CDK5RAP2: variants seen among roughly 807,000 people sequenced by gnomAD.
The protein encoded by CDK5RAP2 is CDK5 regulatory subunit-associated protein 2.
In CDK5RAP2, 147 loss-of-function variants were observed where a neutral mutation model predicts 232.9. That is an observed-to-expected ratio of 0.63 (90% confidence interval 0.55 to 0.72). The LOEUF (loss-of-function observed/expected upper bound fraction) is 0.72, where lower values mean the gene tolerates loss of function less well. Among genes scored for constraint, CDK5RAP2 ranks in the 30% least tolerant of loss-of-function variants. CDK5RAP2 has a pLI of 0.00. For synonymous variants in CDK5RAP2, 833 were observed against 833.7 expected, an observed-to-expected ratio of 1.00 and a Z score of 0.01; for missense variants, 2,195 against 2,231.5, an observed-to-expected ratio of 0.98 and a Z score of 0.33.
chr9:120,544,388 CAAT>C (rs147390938), intron 5 of CDK5RAP2, among the ~76,000 whole-genome samples: 9,839 of 152,302 alleles, frequency 0.065, 554 homozygotes, highest in East Asian at 0.29. Context: ...ACAACAACAA[CAAT>C]AACAACTTGT....
chr9:120,475,732 A>G (rs142158312), intron 15 of CDK5RAP2, among the ~76,000 whole-genome samples: 8 of 152,334 alleles, frequency 5.3e-5, no homozygotes, highest in Non-Finnish European at 1.2e-4. Flanking sequence ...CTCATTTCCT[A>G]TGAAAAAATC....
chr9:120,571,834 C>T (rs2042864993), intron 2 of CDK5RAP2, 140 bp downstream of exon 2: 1 of 715,484 alleles, frequency 1.4e-6, no homozygotes. Flanking sequence ...TCAATACATA[C>T]AAAAAATACT....
At chr9:120,485,033 C>G (rs1400947298) in intron 14 of CDK5RAP2, among the ~76,000 whole-genome samples, 1 of 152,076 alleles carries the variant, frequency 6.6e-6, no homozygotes, top group African/African-American at 2.4e-5. Context: ...CAGTAAATCT[C>G]TATCTACAAT....
chr9:120,560,128 G>A (rs2042409926), intron 3 of CDK5RAP2, among the ~76,000 whole-genome samples: 1 of 152,174 alleles, frequency 6.6e-6, no homozygotes, highest in Non-Finnish European at 1.5e-5. Flanking sequence ...AAGAGCAAGA[G>A]CTCTCGGGCC....
At chr9:120,426,564 T>C (rs1004599509) in intron 25 of CDK5RAP2, among the ~76,000 whole-genome samples, 1 of 152,158 alleles carries the variant, frequency 6.6e-6, no homozygotes, top group East Asian at 1.9e-4. Context: ...GCTTTTCTTA[T>C]GTGGATGAAG....
At chr9:120,444,006 A>AT (rs1322433935) in intron 22 of CDK5RAP2, among the ~76,000 whole-genome samples, 2 of 152,172 alleles carry the variant, frequency 1.3e-5, no homozygotes, top group African/African-American at 4.8e-5. Context: ...ATTCGTGCCC[A>AT]TTTTTCCCAA....
intron 13 of CDK5RAP2, among the ~76,000 whole-genome samples, chr9:120,489,802 G>A (rs1588468284): frequency 6.8e-6 from 1 of 146,382 alleles, no homozygotes. Flanking sequence ...CTTTGTCTTT[G>A]TCTTTCCTTT....
At chr9:120,520,692 A>G (rs1458398051) in intron 11 of CDK5RAP2, among the ~76,000 whole-genome samples, 11 of 130,166 alleles carry the variant, frequency 8.5e-5, no homozygotes. Context: ...CATATGAGAT[A>G]TATCACACGA....
chr9:120,503,965 G>A (rs1230539732), intron 12 of CDK5RAP2, among the ~76,000 whole-genome samples: 1 of 152,086 alleles, frequency 6.6e-6, no homozygotes, highest in African/African-American at 2.4e-5. Flanking sequence ...CAGAGCACCT[G>A]GGAGATGAAA....
At position 120,528,900 on chromosome 9, in the gene CDK5RAP2, C is replaced by T. The variant is rs1180678084; in HGVS notation, c.826-103G>A. 20 of 812,640 alleles carry T rather than the reference C, an allele frequency of 2.5e-5. 1 individual carries two copies. In the South Asian group the frequency reaches 2.8e-4, roughly 11 times the overall value. 50.3% of individuals were successfully genotyped at this position (812,640 alleles called of 1,614,324 possible). A position where few individuals can be genotyped will look rare whatever the true frequency, so the allele number is the denominator to read the frequency against. On this transcript the variant is annotated intron_variant, in intron 8 of 37. Coordinates refer to ENST00000349780, the MANE Select transcript of CDK5RAP2 (RefSeq NM_018249.6). ...TCCTTGTCGCTTACTCACCTTCCCCCACTACTGTGGAACTCGTTAAAACAA... is the reference window on the plus strand; with the variant it reads ...TCCTTGTCGCTTACTCACCTTCCCCTACTACTGTGGAACTCGTTAAAACAA...
At chr9:120,522,832 T>C (rs555445301) in intron 11 of CDK5RAP2, among the ~76,000 whole-genome samples, 25 of 152,202 alleles carry the variant, frequency 1.6e-4, no homozygotes, top group Non-Finnish European at 2.9e-4. Context: ...CATGCTGCAA[T>C]TGGCAAAAAG....
chr9:120,450,558 G>A (rs1171675472), intron 21 of CDK5RAP2, among the ~76,000 whole-genome samples: 2 of 152,066 alleles, frequency 1.3e-5, no homozygotes, highest in East Asian at 1.9e-4. Flanking sequence ...TTAAATAGCA[G>A]AGGAGAAGGA....
chr9:120,539,927 C>T (rs1332036360), intron 5 of CDK5RAP2, among the ~76,000 whole-genome samples: 3 of 152,172 alleles, frequency 2.0e-5, no homozygotes, highest in African/African-American at 7.2e-5. Flanking sequence ...GAGCAGTATG[C>T]AACGAAGTCT....
intron 27 of CDK5RAP2, among the ~76,000 whole-genome samples, chr9:120,415,609 A>G (rs1489609563): frequency 6.6e-6 from 1 of 152,236 alleles, no homozygotes; most frequent in African/African-American, 2.4e-5. Context: ...TCCATTTATC[A>G]TTTACTAATT....
chr9:120,558,401 G>A (rs373217364), intron 3 of CDK5RAP2, among the ~76,000 whole-genome samples: 8,734 of 43,892 alleles, frequency 0.2, 3 homozygotes, highest in Middle Eastern at 0.29. Context: ...AAAAAAAAAA[G>A]AATTTCTTTA....
intron 12 of CDK5RAP2, among the ~76,000 whole-genome samples, chr9:120,505,332 G>A (rs973076166): frequency 7.2e-5 from 11 of 151,876 alleles, no homozygotes; most frequent in African/African-American, 1.9e-4. Flanking sequence ...CATATAAGAC[G>A]GCAAACTTAA....
chr9:120,499,941 T>C (rs1687212049), intron 12 of CDK5RAP2, among the ~76,000 whole-genome samples: 1 of 152,198 alleles, frequency 6.6e-6, no homozygotes, highest in Non-Finnish European at 1.5e-5. Flanking sequence ...CATAGAGCAA[T>C]TAATTAATGA....
chr9:120,403,983 GTC>G lies in CDK5RAP2; in HGVS notation c.5041+51_5041+52del, dbSNP rs2033258154. 3 of 1,245,242 alleles carry G rather than the reference GTC, an allele frequency of 2.4e-6. No homozygotes were observed. The highest frequency in any genetic ancestry group is 3.6e-6 in the Non-Finnish European group (3 of 843,490). 77.1% of individuals were successfully genotyped at this position (1,245,242 alleles called of 1,614,324 possible). ...ACCCCCCTTTTCTGCAAGTTAAAAAGTCTTACTGTCACATCCAATGCTCCCAC... is the reference window on the plus strand; with the variant it reads ...ACCCCCCTTTTCTGCAAGTTAAAAAGTTACTGTCACATCCAATGCTCCCAC... On this transcript the variant is annotated intron_variant, in intron 33 of 37. Coordinates refer to ENST00000349780, the MANE Select transcript of CDK5RAP2 (RefSeq NM_018249.6). This position sits in a 1 kb window ranked among gnomAD's most constrained non-coding sequence, Gnocchi z 4.2.
intron 21 of CDK5RAP2, among the ~76,000 whole-genome samples, chr9:120,452,398 A>T (rs930999884): frequency 2.0e-5 from 3 of 152,168 alleles, no homozygotes; most frequent in Non-Finnish European, 4.4e-5. Context: ...AAAAGCAGTA[A>T]TTTAGTGGTC....
Sources: gnomAD v4.1 joint callset for allele counts (sites outside exome capture counted in the v4.1 genomes callset) on GRCh38, gnomAD v4.1.1 for gene constraint, Gnocchi (gnomAD v3.1) non-coding constraint, MANE v1.5 for transcripts, NCBI Gene and HGNC (gene_info 2026-07-23, HGNC 2026-07-21) for gene names.